The following TASOR variants were observed in gnomAD, a reference collection of about 807,000 sequenced individuals.
TASOR encodes the protein protein TASOR.
In TASOR, 53 loss-of-function variants were observed where a neutral mutation model predicts 178.6. The ratio of observed to expected loss-of-function variants is 0.30; its 90% confidence interval spans 0.24 to 0.37. The LOEUF (loss-of-function observed/expected upper bound fraction) is 0.37. TASOR is among the 10% of genes least tolerant of loss of function. TASOR has a pLI of 1.00. For missense variants in TASOR, 1,815 were observed against 1,971.4 expected (o/e 0.92, Z 1.50); for synonymous variants, 713 against 696.2 (o/e 1.02, Z -0.38).
In TASOR at chr3:56,633,175, A is replaced by G. The variant is rs764797129; in HGVS notation, c.3616T>C (p.Ser1206Pro). The G allele has an allele frequency of 3.7e-6, 6 of 1,614,092 alleles. No individual in the cohort carries two copies. The highest frequency in any genetic ancestry group is 5.1e-6 in the Non-Finnish European group (6 of 1,180,036). ...DVNISAQPAL[S>P]NFISQLEPEV... Reference sequence around the variant, plus strand: ...GGTTCTAACTGGCTTATAAAATTTGAAAGAGCTGGTTGAGCAGAAATGTTT... The same window carrying G: ...GGTTCTAACTGGCTTATAAAATTTGGAAGAGCTGGTTGAGCAGAAATGTTT... Residue 1206 changes from serine (S) to proline (P), a missense_variant, in exon 18 of 24, where the codon TCA becomes CCA. Ser to Pro is a moderately conservative substitution (Grantham distance 74, BLOSUM62 -1). Transcript: ENST00000683822.
At position 56,633,562 on chromosome 3, in the gene TASOR, A is replaced by G. The variant is rs760576599; in HGVS notation, c.3229T>C (p.Phe1077Leu). The G allele has an allele frequency of 1.9e-6, 3 of 1,613,922 alleles. No individual in the cohort carries two copies. The highest frequency in any genetic ancestry group is 2.5e-6 in the Non-Finnish European group (3 of 1,179,992). Reference sequence around the variant, plus strand: ...AGCTTCTCATGCAAACCATCTACAAACTCCTGCACACCAGCTTTGGAAGTC... The same window carrying G: ...AGCTTCTCATGCAAACCATCTACAAGCTCCTGCACACCAGCTTTGGAAGTC... Reference protein sequence around the residue: ...SKTSKAGVQEFVDGLHEKLNT... With the variant: ...SKTSKAGVQELVDGLHEKLNT... Residue 1077 changes from phenylalanine (F) to leucine (L), a missense_variant, in exon 18 of 24, where the codon TTT (phenylalanine) becomes CTT (leucine). Physicochemically the swap from Phe to Leu is conservative, Grantham distance 22. Transcript: ENST00000683822.
intron 3 of TASOR, among the ~76,000 whole-genome samples, 180 bp from the exon 4 acceptor site, chr3:56,670,325 C>A (rs1019036019): frequency 1.3e-5 from 2 of 152,120 alleles, no homozygotes; most frequent in African/African-American, 4.8e-5. Context: ...ACTTACACTT[C>A]TCAAAGTAAC....
At chr3:56,625,915 C>A (rs1357637983) in intron 21 of TASOR, among the ~76,000 whole-genome samples, 2 of 152,128 alleles carry the variant, frequency 1.3e-5, no homozygotes, top group Non-Finnish European at 2.9e-5. Context: ...AGCCACCGTG[C>A]CCGGCCAGCT....
intron 11 of TASOR, among the ~76,000 whole-genome samples, chr3:56,655,939 G>C (rs1003632898): frequency 4.6e-5 from 7 of 152,204 alleles, no homozygotes; most frequent in Non-Finnish European, 7.3e-5. Context: ...TGAGATGGAA[G>C]TGAGGCTGAT....
rs1192696202 is a variant in TASOR at position 56,669,683 on chromosome 3, G to A, written c.735+17C>T. On this transcript the variant is annotated intron_variant, in intron 5 of 23. Coordinates refer to ENST00000683822, the MANE Select transcript of TASOR (RefSeq NM_001365635.2). ...AAGTGTAGTTTTTCATACATGAAGTGTGTAAGTTTAAATTACCTTCATTAT... is the reference window on the plus strand; with the variant it reads ...AAGTGTAGTTTTTCATACATGAAGTATGTAAGTTTAAATTACCTTCATTAT... 2 of 1,306,490 alleles carry A rather than the reference G, an allele frequency of 1.5e-6. No individual in the cohort carries two copies. The highest frequency in any genetic ancestry group is 3.0e-5 in the East Asian group (1 of 33,050). The allele number at this position is 1,306,490 out of a possible 1,614,324, so 80.9% of individuals were successfully genotyped here. A position where few individuals can be genotyped will look rare whatever the true frequency, so the allele number is the denominator to read the frequency against.
intron 3 of TASOR, among the ~76,000 whole-genome samples, chr3:56,670,419 T>C (rs2030557355): frequency 6.6e-6 from 1 of 152,110 alleles, no homozygotes; most frequent in Admixed American, 6.5e-5. Flanking sequence ...TGCAGTGGCA[T>C]GACCTTGAAC....
intron 1 of TASOR, among the ~76,000 whole-genome samples, chr3:56,679,913 T>C (rs1355736184): frequency 6.6e-6 from 1 of 152,126 alleles, no homozygotes; most frequent in Non-Finnish European, 1.5e-5. Context: ...AACAGTAAAA[T>C]GTATACCTTT....
Position 56,646,794 on chromosome 3 carries a change from G to A in TASOR, c.1943C>T (p.Thr648Ile), listed in dbSNP as rs2077247469. Residue 648 changes from threonine to isoleucine, a missense_variant, in exon 14 of 24, where the codon ACA (threonine) becomes ATA (isoleucine). Transcript: ENST00000683822. ...YEGQEEEMNG[T>I]KMKFGKRNNS... ...ATTTCGTTTTCCAAATTTCATTTTT[G>A]TACCATTCATTTCTTCTTCTTGACC... 1.9e-6 allele frequency: 3 copies of A among 1,613,454 alleles called. No individual in the cohort carries two copies. Among genetic ancestry groups the A allele is most frequent in the Non-Finnish European group, 2.5e-6 (3 of 1,179,904 alleles).
At position 56,673,568 on chromosome 3, in the gene TASOR, T is replaced by C. The variant is rs1192880043; in HGVS notation, c.477+12A>G. 7.2e-6 allele frequency: 11 copies of C among 1,537,064 alleles called. No homozygotes were observed. The East Asian group carries it at 2.7e-4, about 38-fold the overall frequency. On this transcript the variant is annotated intron_variant, in intron 2 of 23. Transcript: ENST00000683822. ...GAAAACAATCTTACAGTAAGTATAA[T>C]TTAAAACATACCTCCTTTTCCAAAA...
At chr3:56,669,658 A>G in intron 5 of TASOR, 42 bp downstream of exon 5, 1 of 1,225,084 alleles carries the variant, frequency 8.2e-7, no homozygotes, top group East Asian at 2.6e-5. Context: ...AATCCAAATC[A>G]AGTGTAGTTT....
At chr3:56,657,771 T>A (rs2077503952) in intron 11 of TASOR, among the ~76,000 whole-genome samples, 2 of 152,234 alleles carry the variant, frequency 1.3e-5, no homozygotes, top group Admixed American at 6.5e-5. Flanking sequence ...AAATGGCTCC[T>A]GAAGCGATTT....
Position 56,648,879 on chromosome 3 carries a change from T to C in TASOR, c.1456A>G (p.Lys486Glu). ...MVPPYEYQTA[K>E]SRVLHALFLF... is the part of the protein sequence containing the mutation. ...AACAAAGCATGTAGGACTCGAGACT[T>C]GGCAGTCTGATATTCTAAAAAACAG... The change falls in exon 13 of 24, where the codon AAG (lysine) becomes GAG (glutamate). Residue 486 changes from lysine (K) to glutamate (E), a missense_variant. This residue lies in a region of TASOR where 504 missense variants were observed against 645.3 expected (regional missense o/e 0.78). Transcript: ENST00000683822. 2 of 1,612,142 alleles carry C rather than the reference T, an allele frequency of 1.2e-6. No individual in the cohort carries two copies. Among genetic ancestry groups the C allele is most frequent in the Non-Finnish European group, 1.7e-6 (2 of 1,179,296 alleles).
chr3:56,635,024 T>C (rs943239708), intron 17 of TASOR, among the ~76,000 whole-genome samples: 3 of 152,190 alleles, frequency 2.0e-5, no homozygotes, highest in South Asian at 2.1e-4. Context: ...CCCTAACAAA[T>C]TGCTGCTGTA....
rs145481249 is a variant in TASOR, at chr3:56,679,360, C to T, written c.331+3316G>A. Among the ~76,000 whole-genome samples, 151 of 152,202 alleles carry T rather than the reference C, an allele frequency of 9.9e-4. 1 individual carries two copies. Among genetic ancestry groups the T allele is most frequent in the African/African-American group, 3.4e-3 (142 of 41,530 alleles). ...CTGGCAGGAATCAAGAGTACAAATA[C>T]GAAACAAAGTTTTTTGGACTGAGGA... On this transcript the variant is annotated intron_variant, in intron 1 of 23. Coordinates refer to ENST00000683822, the MANE Select transcript of TASOR (RefSeq NM_001365635.2).
chr3:56,663,524 A>T lies in TASOR; in HGVS notation c.1054+17T>A. The T allele has an allele frequency of 9.2e-7, 1 of 1,092,404 alleles. No individual in the cohort carries two copies. The highest frequency in any genetic ancestry group is 1.2e-6 in the Non-Finnish European group (1 of 805,668). The allele number at this position is 1,092,404 out of a possible 1,614,324, so 67.7% of individuals were successfully genotyped here. On this transcript the variant is annotated intron_variant, in intron 8 of 23. Transcript: ENST00000683822. Reference sequence around the variant, plus strand: ...ATTCTTTCCATTTATAAAACTAAAGAAACATAAATCTCTTACCTATGTTTC... The same window carrying T: ...ATTCTTTCCATTTATAAAACTAAAGTAACATAAATCTCTTACCTATGTTTC...
intron 4 of TASOR, 92 bp from the exon 5 acceptor site, chr3:56,669,883 A>G: frequency 2.0e-6 from 2 of 1,012,004 alleles, no homozygotes; most frequent in Non-Finnish European, 2.9e-6. Flanking sequence ...ATCCTTCATC[A>G]ATTTGAGGTG....
intron 6 of TASOR, among the ~76,000 whole-genome samples, chr3:56,667,765 C>G (rs2030207854): frequency 6.6e-6 from 1 of 152,170 alleles, no homozygotes; most frequent in African/African-American, 2.4e-5. Context: ...GGGAGACCCC[C>G]ATCTCTATTT....
At chr3:56,658,213 A>G (rs980563275) in intron 11 of TASOR, among the ~76,000 whole-genome samples, 2 of 152,204 alleles carry the variant, frequency 1.3e-5, no homozygotes, top group Non-Finnish European at 2.9e-5. Flanking sequence ...CTGGGAGTGT[A>G]TCCTTGTAGA....
At chr3:56,627,279 A>T (rs962231863) in intron 20 of TASOR, 134 bp from the exon 21 acceptor site, 7 of 644,030 alleles carry the variant, frequency 1.1e-5, no homozygotes, top group Non-Finnish European at 1.9e-5. Context: ...TCTTTGTCTA[A>T]GGGAGACAGA....
Sources: allele counts gnomAD v4.1 joint callset (sites outside exome capture counted in the v4.1 genomes callset), GRCh38; gene constraint gnomAD v4.1.1; regional missense constraint gnomAD v4.1.1; transcripts MANE v1.5; gene names NCBI Gene and HGNC (gene_info 2026-07-23, HGNC 2026-07-21).